NRIP1: variants seen among roughly 807,000 people sequenced by gnomAD.
NRIP1 encodes nuclear receptor interacting protein 1.
In NRIP1, 28 loss-of-function variants were observed where a neutral mutation model predicts 75.0. The observed-to-expected ratio is 0.37, with a 90% CI of 0.28 to 0.51. The LOEUF is 0.51. Ranked by LOEUF, NRIP1 falls within the 20% of genes least tolerant of loss-of-function variation. NRIP1 has a pLI of 0.92. For synonymous variants in NRIP1, 526 were observed against 487.6 expected, an observed-to-expected ratio of 1.08 and a Z score of -1.04; for missense variants, 1,435 against 1,343.7, an observed-to-expected ratio of 1.07 and a Z score of -1.06.
At chr21:14,973,115 A>C (rs1241823140) in intron 3 of NRIP1, among the ~76,000 whole-genome samples, 3 of 152,220 alleles carry the variant, frequency 2.0e-5, no homozygotes. Context: ...AAGTTATTAA[A>C]CATTTGCATC....
intron 3 of NRIP1, among the ~76,000 whole-genome samples, chr21:15,004,066 C>T (rs1296180598): frequency 6.6e-6 from 1 of 152,118 alleles, no homozygotes; most frequent in Non-Finnish European, 1.5e-5. Context: ...TCTTAATATA[C>T]ACACCTTTTC....
chr21:15,057,593 T>C (rs1222705728), intron 1 of NRIP1, among the ~76,000 whole-genome samples: 1 of 152,184 alleles, frequency 6.6e-6, no homozygotes, highest in East Asian at 1.9e-4. Flanking sequence ...GGCTTGCAAA[T>C]GCTGCATGAG....
chr21:14,996,730 T>C (rs1369773764), intron 3 of NRIP1, among the ~76,000 whole-genome samples: 4 of 152,208 alleles, frequency 2.6e-5, no homozygotes, highest in Non-Finnish European at 4.4e-5. Context: ...ACCGAATTTT[T>C]GCTAAATATA....
chr21:14,962,070 T>C lies in NRIP1; in HGVS notation c.*2646A>G, dbSNP rs1214080595. On this transcript the variant is annotated 3_prime_UTR_variant, in exon 4 of 4. Coordinates refer to ENST00000318948, the MANE Select transcript of NRIP1 (RefSeq NM_003489.4). ...AATATATACTCTCACCAGTTTACTCTTCTGTAAGATGCAGCAGAGAATAAA... is the reference window on the plus strand; with the variant it reads ...AATATATACTCTCACCAGTTTACTCCTCTGTAAGATGCAGCAGAGAATAAA... The C allele has an allele frequency of 8.8e-5, 13 of 148,438 alleles. 1 individual carries two copies. The Admixed American group carries it at 8.8e-4, about 10-fold the overall frequency. 9.2% of individuals were successfully genotyped at this position (148,438 alleles called of 1,614,324 possible).
At chr21:15,002,570 C>G (rs2087874245) in intron 3 of NRIP1, among the ~76,000 whole-genome samples, 1 of 152,074 alleles carries the variant, frequency 6.6e-6, no homozygotes, top group African/African-American at 2.4e-5. Context: ...TACCATGCCT[C>G]GTTTTTTTAA....
rs773342789 is a variant in NRIP1 at position 14,966,299 on chromosome 21, G to C, written c.1894C>G (p.Gln632Glu). 18 of 1,614,074 alleles carry C rather than the reference G, an allele frequency of 1.1e-5. No homozygotes were observed. The highest frequency in any genetic ancestry group is 1.7e-5 in the Admixed American group (1 of 60,018). The change falls in exon 4 of 4, where the codon CAA (glutamine) becomes GAA (glutamate). Residue 632 changes from glutamine to glutamate, a missense_variant. By Grantham distance (29) the Gln-to-Glu change is conservative. Coordinates refer to ENST00000318948, the MANE Select transcript of NRIP1 (RefSeq NM_003489.4). Reference sequence around the variant, plus strand: ...TGCATTCCACATTGTGCTAAATTTTGTAACAGCTTACTGGCACTAAACGTT... The same window carrying C: ...TGCATTCCACATTGTGCTAAATTTTCTAACAGCTTACTGGCACTAAACGTT... Reference protein sequence around the residue: ...SATFSASKLLQNLAQCGMQSS... With the variant: ...SATFSASKLLENLAQCGMQSS...
At chr21:14,973,885 A>G (rs1453058122) in intron 3 of NRIP1, among the ~76,000 whole-genome samples, 1 of 149,400 alleles carries the variant, frequency 6.7e-6, no homozygotes, top group Non-Finnish European at 1.5e-5. Context: ...GGATCTCACA[A>G]TGTTGCCAAG....
At chr21:15,057,587 T>G (rs887807303) in intron 1 of NRIP1, among the ~76,000 whole-genome samples, 2 of 152,204 alleles carry the variant, frequency 1.3e-5, no homozygotes, top group Middle Eastern at 3.2e-3. Context: ...CTATGAGGCT[T>G]GCAAATGCTG....
chr21:15,024,975 C>T (rs1172283284), intron 2 of NRIP1, among the ~76,000 whole-genome samples: 2 of 152,100 alleles, frequency 1.3e-5, no homozygotes, highest in Non-Finnish European at 2.9e-5. Flanking sequence ...TGCCATTTTG[C>T]ATCCAATAAA....
At chr21:14,987,848 A>C (rs1261503823) in intron 3 of NRIP1, 1 of 152,248 alleles carries the variant, frequency 6.6e-6, no homozygotes, top group Non-Finnish European at 1.5e-5. Flanking sequence ...ACTAAAGCTC[A>C]GAACAACTGA....
At position 14,965,243 on chromosome 21, in the gene NRIP1, GT is replaced by G. The variant is rs777705235; in HGVS notation, c.2949del (p.Leu984Ter). 6.2e-7 allele frequency: 1 copy of G among 1,613,850 alleles called. No homozygotes were observed. The highest frequency in any genetic ancestry group is 8.5e-7 in the Non-Finnish European group (1 of 1,179,944). On this transcript the variant is annotated frameshift_variant, in exon 4 of 4. Coordinates refer to ENST00000318948, the MANE Select transcript of NRIP1 (RefSeq NM_003489.4). LOFTEE classifies it high-confidence loss of function. ...KPEFSISSLNGLMYSSTQPSS... is the reference protein window; with the variant it reads ...KPEFSISSLNXLMYSSTQPSS... ...CTGGGCTGAGTGGAACTGTACATCA[GT>G]CCATTTAAAGAAGAAATGCTAAATT...
chr21:15,021,565 T>C (rs1298147490), intron 2 of NRIP1, among the ~76,000 whole-genome samples: 2 of 152,104 alleles, frequency 1.3e-5, no homozygotes, highest in African/African-American at 4.8e-5. Flanking sequence ...ACATGTAAAT[T>C]ATACCTAAAT....
chr21:14,997,198 T>C (rs891822090), intron 3 of NRIP1, among the ~76,000 whole-genome samples: 3 of 152,154 alleles, frequency 2.0e-5, no homozygotes, highest in African/African-American at 4.8e-5. Context: ...ATGAGTGATA[T>C]TTGAAGAAAG....
chr21:15,064,549 G>A (rs1978681059), intron 1 of NRIP1, among the ~76,000 whole-genome samples, 196 bp downstream of exon 1: 1 of 151,646 alleles, frequency 6.6e-6, no homozygotes, highest in South Asian at 2.1e-4. Context: ...CCGCCGCCCC[G>A]GCCCCCCGCG....
intron 3 of NRIP1, among the ~76,000 whole-genome samples, chr21:15,005,752 G>A (rs1452881877): frequency 1.3e-5 from 2 of 152,138 alleles, no homozygotes; most frequent in Non-Finnish European, 2.9e-5. Context: ...CAAACCACCA[G>A]CATTCTGGAG....
chr21:14,989,916 A>G (rs1478889127), intron 3 of NRIP1, among the ~76,000 whole-genome samples: 1 of 152,176 alleles, frequency 6.6e-6, no homozygotes, highest in Non-Finnish European at 1.5e-5. Flanking sequence ...TTTTCACATG[A>G]AAATGAAACT....
intron 2 of NRIP1, among the ~76,000 whole-genome samples, chr21:15,019,926 A>G (rs1005529331): frequency 6.6e-6 from 1 of 152,154 alleles, no homozygotes; most frequent in Non-Finnish European, 1.5e-5. Flanking sequence ...CACTTTGGGA[A>G]GCAGAGGCAG....
chr21:15,000,303 G>A (rs1351089643), intron 3 of NRIP1, among the ~76,000 whole-genome samples: 1 of 152,132 alleles, frequency 6.6e-6, no homozygotes, highest in East Asian at 1.9e-4. Flanking sequence ...AATGTATCGG[G>A]GTGGGTGAGA....
rs1023648231 is a variant in NRIP1 at position 14,966,991 on chromosome 21, C to G, written c.1202G>C (p.Arg401Thr). Reference sequence around the variant, plus strand: ...ACTACTTTCCTCAAAAATGCTTCCTCTCTCACTGTGACTGTGTCCATTCAT... The same window carrying G: ...ACTACTTTCCTCAAAAATGCTTCCTGTCTCACTGTGACTGTGTCCATTCAT... ...KPMNGHSHSERGSIFEESSTP... is the reference protein window; with the variant it reads ...KPMNGHSHSETGSIFEESSTP... The change falls in exon 4 of 4, where the codon AGA (arginine) becomes ACA (threonine). Residue 401 changes from arginine to threonine, a missense_variant. Arg to Thr is a moderately conservative substitution (Grantham distance 71). Coordinates refer to ENST00000318948, the MANE Select transcript of NRIP1 (RefSeq NM_003489.4). 1.2e-6 allele frequency: 2 copies of G among 1,614,160 alleles called. No homozygotes were observed. Among genetic ancestry groups the G allele is most frequent in the Non-Finnish European group, 8.5e-7 (1 of 1,180,028 alleles).
Sources: gnomAD v4.1 joint callset for allele counts (sites outside exome capture counted in the v4.1 genomes callset) on GRCh38, gnomAD v4.1.1 for gene constraint, MANE v1.5 for transcripts, NCBI Gene and HGNC (gene_info 2026-07-23, HGNC 2026-07-21) for gene names.